The following PTPRD variants were observed in gnomAD, a reference collection of about 807,000 sequenced individuals.
PTPRD encodes the protein protein tyrosine phosphatase receptor type D.
PTPRD carries 34 observed loss-of-function variants against 214.5 expected under a neutral mutation model. The observed-to-expected ratio is 0.16, with a 90% CI of 0.12 to 0.21. The LOEUF is 0.21. Among genes scored for constraint, PTPRD ranks in the 10% least tolerant of loss-of-function variants. PTPRD has a pLI of 1.00. For synonymous variants in PTPRD, 1,128 were observed against 845.7 expected, an observed-to-expected ratio of 1.33 and a Z score of -5.79; for missense variants, 2,545 against 2,398.7, an observed-to-expected ratio of 1.06 and a Z score of -1.27.
intron 2 of PTPRD, among the ~76,000 whole-genome samples, chr9:10,402,001 G>T (rs1587342970): frequency 6.6e-6 from 1 of 151,070 alleles, no homozygotes; most frequent in East Asian, 2.0e-4. Context: ...CACCCTATAA[G>T]AAATCCAATT....
intron 10 of PTPRD, among the ~76,000 whole-genome samples, chr9:9,112,717 A>G (rs1004505771): frequency 6.6e-6 from 1 of 152,188 alleles, no homozygotes; most frequent in Admixed American, 6.5e-5. Flanking sequence ...GCTTAAAATC[A>G]CATAGAATTT....
chr9:9,313,430 G>A (rs902121478), intron 9 of PTPRD, among the ~76,000 whole-genome samples: 12 of 152,120 alleles, frequency 7.9e-5, no homozygotes, highest in East Asian at 5.8e-4. Context: ...AAGAATTAGC[G>A]TAAATAAGTG....
At chr9:10,239,043 T>C (rs770213386) in intron 3 of PTPRD, among the ~76,000 whole-genome samples, 6 of 151,934 alleles carry the variant, frequency 3.9e-5, no homozygotes, top group Non-Finnish European at 7.4e-5. Context: ...GGAAAAAGAA[T>C]CTGTTTGGAG....
chr9:9,385,318 T>G (rs2063546350), intron 9 of PTPRD, among the ~76,000 whole-genome samples: 1 of 152,172 alleles, frequency 6.6e-6, no homozygotes, highest in African/African-American at 2.4e-5. Flanking sequence ...AGACTATTTT[T>G]CTTCCGTATG....
At chr9:10,095,408 C>T (rs185986768) in intron 3 of PTPRD, among the ~76,000 whole-genome samples, 3 of 151,606 alleles carry the variant, frequency 2.0e-5, no homozygotes, top group East Asian at 2.0e-4. Context: ...TTATCCACAA[C>T]ATACCTGCAT....
intron 23 of PTPRD, 60 bp downstream of exon 23, chr9:8,504,201 G>C (rs1592206549): frequency 1.3e-6 from 2 of 1,573,448 alleles, no homozygotes; most frequent in East Asian, 4.5e-5. Context: ...GAAGGTGAAA[G>C]CTAGCAACAT....
intron 35 of PTPRD, among the ~76,000 whole-genome samples, chr9:8,414,226 C>A (rs1368991680): frequency 6.6e-6 from 1 of 152,076 alleles, no homozygotes; most frequent in Non-Finnish European, 1.5e-5. Flanking sequence ...AACAGAATGG[C>A]TCCCAGCTCA....
intron 2 of PTPRD, among the ~76,000 whole-genome samples, chr9:10,513,636 G>C (rs1459277289): frequency 6.6e-6 from 1 of 152,094 alleles, no homozygotes; most frequent in Admixed American, 6.6e-5. Flanking sequence ...CAAGTGATTT[G>C]ACTTGGCTAA....
chr9:8,651,738 C>T (rs1281434513), intron 12 of PTPRD, among the ~76,000 whole-genome samples: 3 of 152,068 alleles, frequency 2.0e-5, no homozygotes, highest in Admixed American at 6.5e-5. Flanking sequence ...TCTCCCTCAC[C>T]GAAATCTGTT....
intron 3 of PTPRD, among the ~76,000 whole-genome samples, chr9:10,193,929 A>G (rs2099385537): frequency 6.6e-6 from 1 of 152,172 alleles, no homozygotes. Context: ...ACGTTCCATT[A>G]TAACTGTTAA....
At chr9:9,305,598 C>T (rs1158870118) in intron 9 of PTPRD, among the ~76,000 whole-genome samples, 1 of 151,950 alleles carries the variant, frequency 6.6e-6, no homozygotes, top group African/African-American at 2.4e-5. Flanking sequence ...AGAATATGTC[C>T]ACCTAGAACC....
At chr9:8,689,240 G>T (rs1169170687) in intron 12 of PTPRD, among the ~76,000 whole-genome samples, 1 of 152,160 alleles carries the variant, frequency 6.6e-6, no homozygotes, top group African/African-American at 2.4e-5. Context: ...TAAACTGTGT[G>T]GATAGAAAGA....
rs192366057 is a variant in PTPRD, at chr9:10,494,883, T to C, written c.-600+117515A>G. Among the ~76,000 whole-genome samples the C allele has an allele frequency of 2.6e-5, 4 of 151,774 alleles. No homozygotes were observed. In the East Asian group the frequency reaches 7.7e-4, roughly 29 times the overall value. ...GCAAATTATAGCATATAATGTATTG[T>C]AAAAATTCTAGAAGATGCATTTGAC... On this transcript the variant is annotated intron_variant, in intron 2 of 45. Transcript: ENST00000381196.
intron 10 of PTPRD, among the ~76,000 whole-genome samples, chr9:9,039,488 C>T (rs1432080372): frequency 6.6e-6 from 1 of 152,138 alleles, no homozygotes; most frequent in African/African-American, 2.4e-5. Context: ...CCAAATCCAG[C>T]CCACCATCCT....
At chr9:9,082,613 C>T (rs1474657099) in intron 10 of PTPRD, among the ~76,000 whole-genome samples, 1 of 152,094 alleles carries the variant, frequency 6.6e-6, no homozygotes, top group Non-Finnish European at 1.5e-5. Flanking sequence ...GTCAAATTGT[C>T]TTTCTTTGCG....
chr9:10,597,183 G>C (rs2076823709), intron 2 of PTPRD, among the ~76,000 whole-genome samples: 1 of 151,526 alleles, frequency 6.6e-6, no homozygotes, highest in Non-Finnish European at 1.5e-5. Context: ...CAAAAGGTAA[G>C]TTAGGACATA....
chr9:8,837,772 G>C (rs139185309), intron 11 of PTPRD, among the ~76,000 whole-genome samples: 3 of 152,128 alleles, frequency 2.0e-5, no homozygotes, highest in African/African-American at 7.2e-5. Flanking sequence ...AAAGTGTTGG[G>C]ATTACAAGTG....
intron 12 of PTPRD, among the ~76,000 whole-genome samples, chr9:8,643,951 C>CCAT: frequency 6.6e-6 from 1 of 152,180 alleles, no homozygotes; most frequent in Non-Finnish European, 1.5e-5. Flanking sequence ...GCTGGGCTGT[C>CCAT]AGCCCCACAG....
intron 44 of PTPRD, among the ~76,000 whole-genome samples, chr9:8,324,583 T>C (rs1036544894): frequency 2.0e-5 from 3 of 152,174 alleles, no homozygotes; most frequent in East Asian, 1.9e-4. Context: ...GTCTTTGTAG[T>C]AGAATGATTT....
Sources: gnomAD v4.1 joint callset for allele counts (sites outside exome capture counted in the v4.1 genomes callset) on GRCh38, gnomAD v4.1.1 for gene constraint, MANE v1.5 for transcripts, NCBI Gene and HGNC (gene_info 2026-07-23, HGNC 2026-07-21) for gene names.